ELMOD1: variants seen among roughly 807,000 people sequenced by gnomAD.
ELMOD1 encodes the protein ELMO domain containing 1.
In ELMOD1, 21 loss-of-function variants were observed where a neutral mutation model predicts 46.7. That is an observed-to-expected ratio of 0.45 (90% CI 0.32 to 0.65). The LOEUF is 0.65. Among genes scored for constraint, ELMOD1 ranks in the 30% least tolerant of loss-of-function variants. The pLI, the probability that ELMOD1 is intolerant of heterozygous loss-of-function variation, is 0.04. For synonymous variants in ELMOD1, 122 were observed against 138.2 expected, an observed-to-expected ratio of 0.88 and a Z score of 0.82; for missense variants, 348 against 407.8, an observed-to-expected ratio of 0.85 and a Z score of 1.26.
chr11:107,654,392 G>A (rs188132670), intron 10 of ELMOD1, among the ~76,000 whole-genome samples, 170 bp downstream of exon 10: 3 of 152,292 alleles, frequency 2.0e-5, no homozygotes, highest in Admixed American at 1.3e-4. Context: ...TATCTGTATG[G>A]TTATATGATA....
rs1369428514 is a variant in ELMOD1, at chr11:107,666,697, C to T, written c.*1500C>T. On this transcript the variant is annotated 3_prime_UTR_variant, in exon 12 of 12. Transcript: ENST00000265840. ...TTAGTATTATTAGATGTTTGTGTAA[C>T]CACTTGCTTATTTAAATGAATTTTG... 1.3e-5 allele frequency: 2 copies of T among 152,536 alleles called. No homozygotes were observed. Among genetic ancestry groups the T allele is most frequent in the South Asian group, 2.1e-4 (1 of 4,832 alleles). The allele number at this position is 152,536 out of a possible 1,614,324, so 9.4% of individuals were successfully genotyped here.
intron 6 of ELMOD1, among the ~76,000 whole-genome samples, chr11:107,645,326 T>G (rs1043522838): frequency 6.6e-6 from 1 of 151,950 alleles, no homozygotes; most frequent in Middle Eastern, 3.4e-3. Context: ...TTCTGGTTTT[T>G]GTTTTTTGTT....
chr11:107,592,505 G>A lies in ELMOD1; in HGVS notation c.-86+1096G>A, dbSNP rs780659482. On this transcript the variant is annotated intron_variant, in intron 1 of 11. Transcript: ENST00000265840. ...CTGCCAATATGGTGGAAAGCAGGTAGTATGCTTGTATTGGGATAAATGTCT... is the reference window on the plus strand; with the variant it reads ...CTGCCAATATGGTGGAAAGCAGGTAATATGCTTGTATTGGGATAAATGTCT... 7.7e-6 allele frequency: 4 copies of A among 520,416 alleles called. No individual in the cohort carries two copies. The African/African-American group carries it at 7.7e-5, about 10-fold the overall frequency. 32.2% of individuals were successfully genotyped at this position (520,416 alleles called of 1,614,324 possible). A position where few individuals can be genotyped will look rare whatever the true frequency, so the allele number is the denominator to read the frequency against.
chr11:107,658,122 G>A (rs1866666575), intron 11 of ELMOD1, among the ~76,000 whole-genome samples: 1 of 152,154 alleles, frequency 6.6e-6, no homozygotes, highest in Admixed American at 6.5e-5. Flanking sequence ...ATCAAGTAAT[G>A]GAAAGCATGT....
At chr11:107,626,520 C>G (rs1361556909) in intron 2 of ELMOD1, among the ~76,000 whole-genome samples, 1 of 151,754 alleles carries the variant, frequency 6.6e-6, no homozygotes, top group Non-Finnish European at 1.5e-5. Context: ...CTCTCTCCCT[C>G]TGTTCCTCCC....
intron 8 of ELMOD1, 46 bp downstream of exon 8, chr11:107,650,449 C>A: frequency 2.3e-6 from 3 of 1,307,576 alleles, no homozygotes; most frequent in Non-Finnish European, 3.2e-6. Flanking sequence ...TGGGTTAGAT[C>A]AAATGAACTT....
intron 11 of ELMOD1, among the ~76,000 whole-genome samples, chr11:107,659,342 A>G (rs1407151140): frequency 1.3e-5 from 2 of 152,060 alleles, no homozygotes; most frequent in African/African-American, 4.8e-5. Context: ...GGGAAGGTAG[A>G]GTGAGTTTAG....
At chr11:107,652,912 CTCCTT>C (rs1866550732) in intron 9 of ELMOD1, among the ~76,000 whole-genome samples, 1 of 152,254 alleles carries the variant, frequency 6.6e-6, no homozygotes, top group African/African-American at 2.4e-5. Flanking sequence ...CTGGAGAACT[CTCCTT>C]TCTTCTAGTT....
chr11:107,597,285 T>G (rs1865508030), intron 1 of ELMOD1, among the ~76,000 whole-genome samples: 1 of 152,218 alleles, frequency 6.6e-6, no homozygotes, highest in Non-Finnish European at 1.5e-5. Context: ...GAAGTTCATT[T>G]AGGTTCTAAA....
chr11:107,629,593 G>A (rs1442880685), intron 2 of ELMOD1, among the ~76,000 whole-genome samples: 2 of 152,214 alleles, frequency 1.3e-5, no homozygotes, highest in Non-Finnish European at 2.9e-5. Context: ...GGCCACAGAT[G>A]TGTGAATAAG....
chr11:107,663,496 T>TA (rs34343554), intron 11 of ELMOD1, among the ~76,000 whole-genome samples: 27 of 144,112 alleles, frequency 1.9e-4, no homozygotes, highest in Middle Eastern at 3.5e-3. Flanking sequence ...TTAATAAACT[T>TA]AAAAAAAAAA....
At chr11:107,608,030 A>G (rs1218839424) in intron 1 of ELMOD1, among the ~76,000 whole-genome samples, 1 of 149,846 alleles carries the variant, frequency 6.7e-6, no homozygotes, top group Non-Finnish European at 1.5e-5. Flanking sequence ...AAAAAAAAAA[A>G]AAAGAAAAAA....
intron 1 of ELMOD1, among the ~76,000 whole-genome samples, chr11:107,610,688 T>C (rs1865762415): frequency 6.7e-6 from 1 of 149,110 alleles, no homozygotes; most frequent in Non-Finnish European, 1.5e-5. Flanking sequence ...AAAGTAAATA[T>C]CTGTATTTTT....
intron 1 of ELMOD1, among the ~76,000 whole-genome samples, chr11:107,615,503 G>A (rs1039513984): frequency 6.6e-6 from 1 of 151,860 alleles, no homozygotes; most frequent in Non-Finnish European, 1.5e-5. Flanking sequence ...AAAGTGCTGG[G>A]ATTACAGGCG....
Position 107,638,280 on chromosome 11 carries a change from A to G in ELMOD1, c.420+2515A>G, listed in dbSNP as rs765239154. On this transcript the variant is annotated intron_variant, in intron 6 of 11. Coordinates refer to ENST00000265840, the MANE Select transcript of ELMOD1 (RefSeq NM_018712.4). ...TCAGTTTGTTCAAGTTTCAAGTACG[A>G]TGATAAAATCAGAAATAATAAAACA... 9.2e-5 allele frequency among the ~76,000 whole-genome samples: 14 copies of G among 152,340 alleles called. No homozygotes were observed. In the South Asian group the frequency reaches 1.5e-3, roughly 16 times the overall value.
At chr11:107,619,752 G>A (rs1356044497) in intron 2 of ELMOD1, among the ~76,000 whole-genome samples, 1 of 152,102 alleles carries the variant, frequency 6.6e-6, no homozygotes, top group Non-Finnish European at 1.5e-5. Context: ...TTTAGAACTG[G>A]TACAGTGAAA....
At chr11:107,633,220 TC>T (rs1266226926) in intron 5 of ELMOD1, among the ~76,000 whole-genome samples, 3 of 152,156 alleles carry the variant, frequency 2.0e-5, no homozygotes, top group Non-Finnish European at 4.4e-5. Context: ...CCATGTGGAT[TC>T]TAGTGCCTTT....
rs572496125 is a variant in ELMOD1, at chr11:107,613,720, TTAGA to T, written c.-85-4382_-85-4379del. ...TTAACAGTACAGAATTGTTAAAAAT[TTAGA>T]TAAACTATTTCTAAAATGCAATCCA... On this transcript the variant is annotated intron_variant, in intron 1 of 11. Coordinates refer to ENST00000265840, the MANE Select transcript of ELMOD1 (RefSeq NM_018712.4). Among the ~76,000 whole-genome samples the T allele has an allele frequency of 6.0e-4, 92 of 152,326 alleles. 1 individual carries two copies. In the South Asian group the frequency reaches 0.018, roughly 30 times the overall value.
chr11:107,627,506 T>A (rs545213004), intron 2 of ELMOD1, among the ~76,000 whole-genome samples: 1 of 152,312 alleles, frequency 6.6e-6, no homozygotes, highest in African/African-American at 2.4e-5. Context: ...TGAGATATCT[T>A]TTCTTCCTTT....
Sources: allele counts gnomAD v4.1 joint callset (sites outside exome capture counted in the v4.1 genomes callset), GRCh38; gene constraint gnomAD v4.1.1; transcripts MANE v1.5; gene names NCBI Gene and HGNC (gene_info 2026-07-23, HGNC 2026-07-21).